The following IGF2BP2 variants were observed in gnomAD, a reference collection of about 807,000 sequenced individuals.
IGF2BP2 encodes insulin like growth factor 2 mRNA binding protein 2, also known as insulin-like growth factor 2 mRNA-binding protein 2.
A neutral mutation model predicts 75.8 loss-of-function variants in IGF2BP2; 17 were observed. The ratio of observed to expected loss-of-function variants is 0.22; its 90% CI spans 0.15 to 0.34. The LOEUF (loss-of-function observed/expected upper bound fraction) is 0.34. Ranked by LOEUF, IGF2BP2 falls within the 10% of genes least tolerant of loss-of-function variation. The probability of loss-of-function intolerance (pLI) is 1.00; values close to 1 mark genes in which losing one functional copy is unlikely to be tolerated. For missense variants in IGF2BP2, 516 were observed against 772.4 expected (o/e 0.67, Z 3.93); for synonymous variants, 288 against 295.6 (o/e 0.97, Z 0.26).
chr3:185,786,227 C>A (rs1412388127), intron 2 of IGF2BP2, among the ~76,000 whole-genome samples: 2 of 152,066 alleles, frequency 1.3e-5, no homozygotes, highest in Non-Finnish European at 2.9e-5. Flanking sequence ...TCACTCCCCC[C>A]AAGAATCAAT....
intron 2 of IGF2BP2, among the ~76,000 whole-genome samples, chr3:185,724,036 G>A (rs1413433441): frequency 6.6e-6 from 1 of 152,132 alleles, no homozygotes; most frequent in Non-Finnish European, 1.5e-5. Flanking sequence ...CTCTACGTGG[G>A]GCTGCAATGA....
At chr3:185,815,199 C>G (rs1022758909) in intron 2 of IGF2BP2, among the ~76,000 whole-genome samples, 1 of 152,122 alleles carries the variant, frequency 6.6e-6, no homozygotes, top group African/African-American at 2.4e-5. Context: ...TACTATAGGA[C>G]TACTTCAAGG....
chr3:185,727,044 C>CATGG (rs912464098), intron 2 of IGF2BP2, among the ~76,000 whole-genome samples: 7 of 151,964 alleles, frequency 4.6e-5, no homozygotes, highest in African/African-American at 1.7e-4. Flanking sequence ...CATCGTGAAA[C>CATGG]CCCATCTCTA....
rs1718697103 is a variant in IGF2BP2 at position 185,672,609 on chromosome 3, G to C, written c.1132C>G (p.Leu378Val). Residue 378 changes from leucine to valine, a missense_variant, in exon 10 of 16, where the codon CTG becomes GTG. This residue lies in a region of IGF2BP2 where 75 missense variants were observed against 67.4 expected (regional missense o/e 1.11). Transcript: ENST00000382199. ...CCTGCTGGTGGAGATAGCACGGACAGTCCTGTTGAAAAGATGCCAAGTGCG... is the reference window on the plus strand; with the variant it reads ...CCTGCTGGTGGAGATAGCACGGACACTCCTGTTGAAAAGATGCCAAGTGCG... ...LSALGIFSTGLSVLSPPAGPR... is the reference protein window; with the variant it reads ...LSALGIFSTGVSVLSPPAGPR... 6.2e-7 allele frequency: 1 copy of C among 1,613,816 alleles called. No homozygotes were observed. Among genetic ancestry groups the C allele is most frequent in the Non-Finnish European group, 8.5e-7 (1 of 1,179,834 alleles).
At chr3:185,722,363 T>A in intron 2 of IGF2BP2, 1 of 417,644 alleles carries the variant, frequency 2.4e-6, no homozygotes, top group South Asian at 1.7e-5. Flanking sequence ...TTTCAAAAAG[T>A]AAGGAAGAAA....
chr3:185,806,996 T>C (rs939905057), intron 2 of IGF2BP2, among the ~76,000 whole-genome samples: 4 of 152,162 alleles, frequency 2.6e-5, no homozygotes, highest in Non-Finnish European at 5.9e-5. Flanking sequence ...ATAAATTTAT[T>C]TTCCTCTTGT....
At chr3:185,676,786 C>A in intron 7 of IGF2BP2, among the ~76,000 whole-genome samples, 1 of 137,594 alleles carries the variant, frequency 7.3e-6, no homozygotes. Context: ...TATATATTTA[C>A]TGGAAATATA....
chr3:185,781,194 G>A (rs1299308861), intron 2 of IGF2BP2, among the ~76,000 whole-genome samples: 11 of 151,818 alleles, frequency 7.2e-5, no homozygotes, highest in African/African-American at 2.2e-4. Context: ...ATGAATTCCA[G>A]CTATTCTGCA....
At chr3:185,656,581 G>A (rs1715469700) in intron 12 of IGF2BP2, among the ~76,000 whole-genome samples, 3 of 152,218 alleles carry the variant, frequency 2.0e-5, no homozygotes, top group South Asian at 4.1e-4. Context: ...CTCTGTTTCC[G>A]AAAATGTTTC....
At chr3:185,748,469 C>T (rs548802859) in intron 2 of IGF2BP2, among the ~76,000 whole-genome samples, 1 of 152,276 alleles carries the variant, frequency 6.6e-6, no homozygotes, top group South Asian at 2.1e-4. Context: ...ATTTTCTTTC[C>T]CTCCAGTAAT....
chr3:185,697,995 C>T (rs1461215252), intron 3 of IGF2BP2, among the ~76,000 whole-genome samples: 1 of 152,098 alleles, frequency 6.6e-6, no homozygotes, highest in East Asian at 1.9e-4. Flanking sequence ...AACATACAAA[C>T]CAACAAACCA....
chr3:185,716,481 T>C (rs1020710395), intron 2 of IGF2BP2: 2 of 519,976 alleles, frequency 3.8e-6, no homozygotes, highest in African/African-American at 1.9e-5. Context: ...CTTATGTCTC[T>C]GCTAACAATA....
At chr3:185,747,937 C>T (rs1394762342) in intron 2 of IGF2BP2, among the ~76,000 whole-genome samples, 1 of 151,920 alleles carries the variant, frequency 6.6e-6, no homozygotes, top group African/African-American at 2.4e-5. Flanking sequence ...CTCACTGCAA[C>T]CTCCACCTCC....
In IGF2BP2 at chr3:185,645,907, G is replaced by A. The variant is rs1018669006; in HGVS notation, c.1708-284C>T. 7.2e-5 allele frequency among the ~76,000 whole-genome samples: 11 copies of A among 152,258 alleles called. No individual in the cohort carries two copies. The highest frequency in any genetic ancestry group is 1.9e-4 in the East Asian group (1 of 5,170). On this transcript the variant is annotated intron_variant, in intron 15 of 15. Coordinates refer to ENST00000382199, the MANE Select transcript of IGF2BP2 (RefSeq NM_006548.6). The surrounding 1 kb of genome is among the most constrained non-coding windows in gnomAD (Gnocchi z 4.9). ...ACAGGCCAGGAAGCAGAAGCAGGGC[G>A]CCAGCAACTGGGGGCCGTGCAGAGT...
chr3:185,795,489 G>A lies in IGF2BP2; in HGVS notation c.239+27664C>T, dbSNP rs1466225169. ...TTCAATTCTTTTGGGCACACACCTGGCAGTGAAATTGCTGGATCTCACAAT... is the reference window on the plus strand; with the variant it reads ...TTCAATTCTTTTGGGCACACACCTGACAGTGAAATTGCTGGATCTCACAAT... On this transcript the variant is annotated intron_variant, in intron 2 of 15. Coordinates refer to ENST00000382199, the MANE Select transcript of IGF2BP2 (RefSeq NM_006548.6). Among the ~76,000 whole-genome samples the A allele has an allele frequency of 7.2e-5, 11 of 152,306 alleles. 2 individuals carry two copies. The South Asian group carries it at 1.7e-3, about 23-fold the overall frequency.
At chr3:185,648,106 C>T (rs906711833) in intron 14 of IGF2BP2, among the ~76,000 whole-genome samples, 4 of 152,214 alleles carry the variant, frequency 2.6e-5, no homozygotes, top group African/African-American at 9.7e-5. Context: ...TCGTATAAAG[C>T]TGACTCATTA....
At chr3:185,652,503 G>A (rs139435108) in intron 12 of IGF2BP2, among the ~76,000 whole-genome samples, 92 of 152,312 alleles carry the variant, frequency 6.0e-4, no homozygotes, top group African/African-American at 2.2e-3. Context: ...GCTCTAGGAA[G>A]AGGGATGTGT....
chr3:185,792,878 T>C (rs1392105552), intron 2 of IGF2BP2, among the ~76,000 whole-genome samples: 1 of 151,226 alleles, frequency 6.6e-6, no homozygotes, highest in Non-Finnish European at 1.5e-5. Flanking sequence ...AGCACTGGAC[T>C]CCCATGACAG....
At chr3:185,807,126 T>C (rs1031698091) in intron 2 of IGF2BP2, among the ~76,000 whole-genome samples, 1 of 152,156 alleles carries the variant, frequency 6.6e-6, no homozygotes, top group African/African-American at 2.4e-5. Flanking sequence ...TTATTGATAC[T>C]AGAAGGGCAG....
Sources: gnomAD v4.1 joint callset for allele counts (sites outside exome capture counted in the v4.1 genomes callset) on GRCh38, gnomAD v4.1.1 for gene constraint, gnomAD v4.1.1 regional missense constraint, Gnocchi (gnomAD v3.1) non-coding constraint, MANE v1.5 for transcripts, NCBI Gene and HGNC (gene_info 2026-07-23, HGNC 2026-07-21) for gene names.